EPB41L4A: variants seen among roughly 807,000 people sequenced by gnomAD.
EPB41L4A encodes the protein band 4.1-like protein 4A.
Under a neutral mutation model 108.6 loss-of-function variants are expected in EPB41L4A, and 100 were observed. That is an observed-to-expected ratio of 0.92 (90% confidence interval 0.78 to 1.09). EPB41L4A has a LOEUF of 1.09. Among genes scored for constraint, EPB41L4A ranks in the 50% least tolerant of loss-of-function variants. EPB41L4A has a pLI of 0.00. For synonymous variants in EPB41L4A, 319 were observed against 289.0 expected, an observed-to-expected ratio of 1.10 and a Z score of -1.05; for missense variants, 1,030 against 842.7, an observed-to-expected ratio of 1.22 and a Z score of -2.75.
At chr5:112,284,535 C>T (rs939513834) in intron 2 of EPB41L4A, among the ~76,000 whole-genome samples, 1 of 152,150 alleles carries the variant, frequency 6.6e-6, no homozygotes, top group South Asian at 2.1e-4. Context: ...CTTCCCCACT[C>T]CCCTCTCTCT....
chr5:112,209,637 A>G (rs982415632), intron 13 of EPB41L4A, among the ~76,000 whole-genome samples: 2 of 152,212 alleles, frequency 1.3e-5, no homozygotes, highest in Non-Finnish European at 2.9e-5. Context: ...TTCTGCGGAG[A>G]ATGCAGACCA....
At chr5:112,168,024 C>T (rs1330732193) in intron 22 of EPB41L4A, among the ~76,000 whole-genome samples, 13 of 152,194 alleles carry the variant, frequency 8.5e-5, no homozygotes, top group Admixed American at 8.5e-4. Context: ...AACGGGCTGA[C>T]CCTGATCCAT....
rs118181262 is a variant in EPB41L4A, at chr5:112,276,398, A to C, written c.257-994T>G. ...GCTGAACACATTATATTATGCTTTTACTAGAAATATTTTTATTTCTGAGGG... is the reference window on the plus strand; with the variant it reads ...GCTGAACACATTATATTATGCTTTTCCTAGAAATATTTTTATTTCTGAGGG... On this transcript the variant is annotated intron_variant, in intron 3 of 22. Coordinates refer to ENST00000261486, the MANE Select transcript of EPB41L4A (RefSeq NM_022140.5). Among the ~76,000 whole-genome samples the C allele has an allele frequency of 2.2e-3, 342 of 152,344 alleles. 2 individuals are homozygous for C. The East Asian group carries it at 0.031, about 14-fold the overall frequency.
chr5:112,352,985 T>G (rs1758138419), intron 1 of EPB41L4A, among the ~76,000 whole-genome samples: 2 of 152,216 alleles, frequency 1.3e-5, no homozygotes, highest in Non-Finnish European at 2.9e-5. Flanking sequence ...AAGGCTTTTT[T>G]CCTACAGATG....
At chr5:112,352,310 T>A (rs1247121877) in intron 1 of EPB41L4A, among the ~76,000 whole-genome samples, 8 of 152,336 alleles carry the variant, frequency 5.3e-5, no homozygotes, top group Admixed American at 5.2e-4. Flanking sequence ...TAGGTTTTGG[T>A]ATGTCAAGTT....
chr5:112,379,865 G>A (rs1027584760), intron 1 of EPB41L4A, among the ~76,000 whole-genome samples: 6 of 152,138 alleles, frequency 3.9e-5, no homozygotes, highest in African/African-American at 1.4e-4. Context: ...TTAGTTATAT[G>A]TAATCCTATA....
At chr5:112,407,336 T>G (rs1415963871) in intron 1 of EPB41L4A, among the ~76,000 whole-genome samples, 1 of 152,210 alleles carries the variant, frequency 6.6e-6, no homozygotes, top group Non-Finnish European at 1.5e-5. Context: ...TTTCCCTCAG[T>G]CATAGAGGAT....
intron 9 of EPB41L4A, among the ~76,000 whole-genome samples, chr5:112,255,233 TCC>T (rs5870488): frequency 0.3 from 45,917 of 151,946 alleles, 7,041 homozygotes; most frequent in African/African-American, 0.35. Context: ...CCAAAACTCC[TCC>T]AAAGAGTTGT....
At chr5:112,206,400 C>A (rs1418093999) in intron 13 of EPB41L4A, among the ~76,000 whole-genome samples, 1 of 151,400 alleles carries the variant, frequency 6.6e-6, no homozygotes, top group Non-Finnish European at 1.5e-5. Flanking sequence ...AGTATACTAT[C>A]CATGATGGAA....
intron 12 of EPB41L4A, among the ~76,000 whole-genome samples, chr5:112,150,710 C>A (rs67569203): frequency 0.094 from 14,381 of 152,196 alleles, 772 homozygotes; most frequent in Non-Finnish European, 0.12. Context: ...CAAGGAACAA[C>A]CATTAGACTG....
At chr5:112,269,263 A>AT (rs1162454545) in intron 4 of EPB41L4A, among the ~76,000 whole-genome samples, 1 of 152,056 alleles carries the variant, frequency 6.6e-6, no homozygotes, top group Non-Finnish European at 1.5e-5. Context: ...AACTCACTGC[A>AT]TTAAAAAAAA....
chr5:112,395,582 A>G (rs1204405965), intron 1 of EPB41L4A, among the ~76,000 whole-genome samples: 1 of 152,212 alleles, frequency 6.6e-6, no homozygotes, highest in African/African-American at 2.4e-5. Context: ...CGATCATTAA[A>G]AAGTCAGGAA....
Position 112,262,576 on chromosome 5 carries a change from T to G in EPB41L4A, c.560A>C (p.Gln187Pro). ...ATTCAGCTCAGCCTCAGAAGGAATC[T>G]GACCCCTACACCCAGCACAAAAACA... The part of the protein sequence containing the change: ...IERIHKTLMG[Q>P]IPSEAELNYL... Residue 187 changes from glutamine to proline, a missense_variant, in exon 7 of 23, where the codon CAG becomes CCG. Coordinates refer to ENST00000261486, the MANE Select transcript of EPB41L4A (RefSeq NM_022140.5). 1 of 1,614,064 alleles carries G rather than the reference T, an allele frequency of 6.2e-7. No individual in the cohort carries two copies. The highest frequency in any genetic ancestry group is 1.1e-5 in the South Asian group (1 of 91,080).
intron 1 of EPB41L4A, among the ~76,000 whole-genome samples, chr5:112,354,775 G>A (rs1758267166): frequency 6.6e-6 from 1 of 152,098 alleles, no homozygotes; most frequent in East Asian, 1.9e-4. Flanking sequence ...ATTCACAATT[G>A]ATCTAGTTCA....
intron 9 of EPB41L4A, among the ~76,000 whole-genome samples, chr5:112,251,003 G>T (rs1227806395): frequency 1.3e-5 from 2 of 152,148 alleles, no homozygotes; most frequent in Non-Finnish European, 2.9e-5. Context: ...GTGAGCAAGA[G>T]ACCTGGACTT....
intron 1 of EPB41L4A, among the ~76,000 whole-genome samples, chr5:112,338,807 T>C (rs540456507): frequency 6.6e-6 from 1 of 152,182 alleles, no homozygotes; most frequent in Non-Finnish European, 1.5e-5. Context: ...TTACACATTG[T>C]CTGTGGCAGA....
chr5:112,175,397 T>C (rs1435911878), intron 18 of EPB41L4A: 1 of 152,266 alleles, frequency 6.6e-6, no homozygotes, highest in Non-Finnish European at 1.5e-5. Flanking sequence ...GATCTAATCA[T>C]ATTTCAGCTT....
chr5:112,242,577 T>C (rs1208761987), intron 9 of EPB41L4A, among the ~76,000 whole-genome samples: 1 of 152,206 alleles, frequency 6.6e-6, no homozygotes, highest in Admixed American at 6.5e-5. Flanking sequence ...TCAGAATAAT[T>C]TGACCTCCTG....
intron 2 of EPB41L4A, among the ~76,000 whole-genome samples, chr5:112,291,805 T>C (rs147586722): frequency 6.6e-6 from 1 of 152,200 alleles, no homozygotes; most frequent in Non-Finnish European, 1.5e-5. Flanking sequence ...AGAAGTTCCA[T>C]GCCCCGTTCC....
Sources: allele counts gnomAD v4.1 joint callset (sites outside exome capture counted in the v4.1 genomes callset), GRCh38; gene constraint gnomAD v4.1.1; transcripts MANE v1.5; gene names NCBI Gene and HGNC (gene_info 2026-07-23, HGNC 2026-07-21).